PCDHA1: variants seen among roughly 807,000 people sequenced by gnomAD.
PCDHA1 encodes protocadherin alpha 1, also known as protocadherin alpha-1.
PCDHA1 carries 42 observed loss-of-function variants against 61.3 expected under a neutral mutation model. The ratio of observed to expected loss-of-function variants is 0.69; its 90% CI spans 0.54 to 0.89. The LOEUF is 0.89. Among genes scored for constraint, PCDHA1 ranks in the 40% least tolerant of loss-of-function variants. The probability of loss-of-function intolerance (pLI) is 0.00; values close to 1 mark genes in which losing one functional copy is unlikely to be tolerated. For missense variants in PCDHA1, 1,256 were observed against 1,235.3 expected, an observed-to-expected ratio of 1.02 and a Z score of -0.25; for synonymous variants, 610 against 553.8, an observed-to-expected ratio of 1.10 and a Z score of -1.43.
intron 3 of PCDHA1, among the ~76,000 whole-genome samples, chr5:140,983,909 C>G (rs2097076070): frequency 6.6e-6 from 1 of 152,226 alleles, no homozygotes. Flanking sequence ...TGATTCTAAT[C>G]AGCCAGGATT....
Position 140,967,279 on chromosome 5 carries a change from T to G in PCDHA1, c.2395-11670T>G, listed in dbSNP as rs184476796. The G allele has an allele frequency of 7.8e-5, 126 of 1,613,002 alleles. 1 individual carries two copies. The East Asian group carries it at 2.6e-3, about 34-fold the overall frequency. On this transcript the variant is annotated intron_variant, in intron 1 of 3. Coordinates refer to ENST00000504120, the MANE Select transcript of PCDHA1 (RefSeq NM_018900.4). ...CTGGAGCGCGCTTTCACATAGAGAGTGCGCAGGACCCCGACGTGGGCGCCA... is the reference window on the plus strand; with the variant it reads ...CTGGAGCGCGCTTTCACATAGAGAGGGCGCAGGACCCCGACGTGGGCGCCA...
chr5:140,965,678 T>C (rs937496921), intron 1 of PCDHA1, among the ~76,000 whole-genome samples: 1 of 152,182 alleles, frequency 6.6e-6, no homozygotes, highest in Non-Finnish European at 1.5e-5. Context: ...ATGTAAAAGA[T>C]TTGAAGCAAG....
At chr5:140,927,472 G>T (rs201932518) in intron 1 of PCDHA1, 4 of 1,614,094 alleles carry the variant, frequency 2.5e-6, no homozygotes, top group African/African-American at 1.3e-5. Context: ...ACTGGATCGC[G>T]AACAGCGCGC....
chr5:140,823,087 G>A lies in PCDHA1; in HGVS notation c.2394+34403G>A, dbSNP rs144534621. 1,857 of 1,613,942 alleles carry A rather than the reference G, an allele frequency of 1.2e-3. 15 individuals are homozygous for A. In the African/African-American group the frequency reaches 0.019, roughly 16 times the overall value. On this transcript the variant is annotated intron_variant, in intron 1 of 3. Transcript: ENST00000504120. ...GGGCTCGCCTTCGCTGTGGGCCACC[G>A]CCAGCGTGTCTGTGGAAGTGGCCGA...
At chr5:140,933,253 A>G (rs958671776) in intron 1 of PCDHA1, among the ~76,000 whole-genome samples, 2 of 152,008 alleles carry the variant, frequency 1.3e-5, no homozygotes, top group Non-Finnish European at 2.9e-5. Context: ...TATAAACACA[A>G]AAGGTTATTA....
chr5:140,843,112 G>T lies in PCDHA1; in HGVS notation c.2394+54428G>T, dbSNP rs1581030644. 3.1e-6 allele frequency: 5 copies of T among 1,595,864 alleles called. 1 individual carries two copies. The highest frequency in any genetic ancestry group is 1.7e-4 in the Middle Eastern group (1 of 5,904). On this transcript the variant is annotated intron_variant, in intron 1 of 3. Coordinates refer to ENST00000504120, the MANE Select transcript of PCDHA1 (RefSeq NM_018900.4). Reference sequence around the variant, plus strand: ...ACGTGGTAGCGAAGGTGCGCGCAGTGGACGCCGACTCGGGCTACAACGCGT... The same window carrying T: ...ACGTGGTAGCGAAGGTGCGCGCAGTTGACGCCGACTCGGGCTACAACGCGT...
intron 3 of PCDHA1, among the ~76,000 whole-genome samples, chr5:140,997,147 A>G (rs545988847): frequency 5.9e-5 from 9 of 152,134 alleles, no homozygotes; most frequent in African/African-American, 2.2e-4. Context: ...CCCCCGCCAC[A>G]GTGACATCCT....
chr5:140,869,497 G>C, intron 1 of PCDHA1: 1 of 1,614,202 alleles, frequency 6.2e-7, no homozygotes, highest in South Asian at 1.1e-5. Context: ...CAACCCGCCG[G>C]TGTTCTCGCT....
chr5:140,966,900 G>T, intron 1 of PCDHA1: 1 of 1,598,802 alleles, frequency 6.3e-7, no homozygotes, highest in Non-Finnish European at 8.5e-7. Context: ...TCCCAGCTGC[G>T]ATACTCTGTG....
At chr5:140,977,301 G>T (rs1478869150) in intron 1 of PCDHA1, among the ~76,000 whole-genome samples, 1 of 152,208 alleles carries the variant, frequency 6.6e-6, no homozygotes, top group Non-Finnish European at 1.5e-5. Context: ...CAGCTGACAA[G>T]CTAACGATAG....
intron 1 of PCDHA1, among the ~76,000 whole-genome samples, chr5:140,873,125 A>G (rs1252639627): frequency 6.6e-6 from 1 of 152,208 alleles, no homozygotes. Context: ...CAATATTCAA[A>G]GAGTCTATGC....
At chr5:140,829,585 G>C in intron 1 of PCDHA1, 2 of 1,612,244 alleles carry the variant, frequency 1.2e-6, no homozygotes, top group Non-Finnish European at 8.5e-7. Flanking sequence ...TGGAGCGGCG[G>C]GTGGGCGAGC....
rs1164377412 is a variant in PCDHA1 at position 140,857,264 on chromosome 5, T to C, written c.2394+68580T>C. The stretch of plus-strand genomic sequence containing the variant: ...GTCCACCTACAAGAATTACTACTCA[T>C]TGGTGCTGGACAGCGCTCTGGACCG... On this transcript the variant is annotated intron_variant, in intron 1 of 3. Transcript: ENST00000504120. 5.0e-6 allele frequency: 8 copies of C among 1,598,636 alleles called. 1 individual carries two copies. The highest frequency in any genetic ancestry group is 2.2e-5 in the East Asian group (1 of 44,850).
chr5:140,958,890 A>G (rs1379321415), intron 1 of PCDHA1, among the ~76,000 whole-genome samples: 1 of 152,044 alleles, frequency 6.6e-6, no homozygotes, highest in African/African-American at 2.4e-5. Context: ...CAGTAGCTAT[A>G]TAATAGATAC....
chr5:140,968,670 T>C lies in PCDHA1; in HGVS notation c.2395-10279T>C, dbSNP rs782754896. 23 of 1,614,180 alleles carry C rather than the reference T, an allele frequency of 1.4e-5. No homozygotes were observed. Among genetic ancestry groups the C allele is most frequent in the Non-Finnish European group, 1.8e-5 (21 of 1,180,034 alleles). On this transcript the variant is annotated intron_variant, in intron 1 of 3. Coordinates refer to ENST00000504120, the MANE Select transcript of PCDHA1 (RefSeq NM_018900.4). ...ACTTCTGACCTGGACCTCTTTAAGG[T>C]AGAGCTGCACACAGGAGAAATTAGG...
chr5:140,966,216 C>T (rs1189015388), intron 1 of PCDHA1: 1 of 247,072 alleles, frequency 4.0e-6, no homozygotes, highest in African/African-American at 2.2e-5. Flanking sequence ...TTTTCCCAGA[C>T]TAATCTCCTT....
chr5:140,869,302 G>T lies in PCDHA1; in HGVS notation c.2394+80618G>T. ...GCTGGTGCAGCGCCTGTTCCGGGTGGCGTCCAAAACACATGGGGACCTTCT... is the reference window on the plus strand; with the variant it reads ...GCTGGTGCAGCGCCTGTTCCGGGTGTCGTCCAAAACACATGGGGACCTTCT... On this transcript the variant is annotated intron_variant, in intron 1 of 3. Coordinates refer to ENST00000504120, the MANE Select transcript of PCDHA1 (RefSeq NM_018900.4). The T allele has an allele frequency of 6.2e-7, 1 of 1,613,642 alleles. No homozygotes were observed. Among genetic ancestry groups the T allele is most frequent in the Non-Finnish European group, 8.5e-7 (1 of 1,179,984 alleles).
rs782042554 is a variant in PCDHA1 at position 140,787,481 on chromosome 5, G to A, written c.1191G>A (p.Leu397=). ...CSLMPHVPFK[L]VSTFKNYYSL... is the part of the protein sequence containing the mutation. Reference sequence around the variant, plus strand: ...TAATGCCCCACGTCCCCTTCAAGCTGGTGTCCACCTTCAAGAATTACTACT... The same window carrying A: ...TAATGCCCCACGTCCCCTTCAAGCTAGTGTCCACCTTCAAGAATTACTACT... Residue 397 remains leucine, a synonymous_variant, in exon 1 of 4, where the codon CTG becomes CTA. Coordinates refer to ENST00000504120, the MANE Select transcript of PCDHA1 (RefSeq NM_018900.4). 3 of 1,614,080 alleles carry A rather than the reference G, an allele frequency of 1.9e-6. No individual in the cohort carries two copies. The highest frequency in any genetic ancestry group is 1.7e-6 in the Non-Finnish European group (2 of 1,180,050).
intron 1 of PCDHA1, among the ~76,000 whole-genome samples, chr5:140,832,596 A>G (rs2150115018): frequency 6.6e-6 from 1 of 152,326 alleles, no homozygotes; most frequent in Non-Finnish European, 1.5e-5. Context: ...AGAGAACTAT[A>G]GCGTTGCTAG....
Sources: allele counts gnomAD v4.1 joint callset (sites outside exome capture counted in the v4.1 genomes callset), GRCh38; gene constraint gnomAD v4.1.1; transcripts MANE v1.5; gene names NCBI Gene and HGNC (gene_info 2026-07-23, HGNC 2026-07-21).